The following HSD17B11 variants were observed in gnomAD, a reference collection of about 807,000 sequenced individuals.
HSD17B11 encodes the protein estradiol 17-beta-dehydrogenase 11.
A neutral mutation model predicts 27.8 loss-of-function variants in HSD17B11; 22 were observed. The observed-to-expected ratio is 0.79, with a 90% confidence interval of 0.56 to 1.13. The LOEUF is 1.13. Ranked by LOEUF, HSD17B11 falls within the 50% of genes most tolerant of loss-of-function variation. The probability of loss-of-function intolerance (pLI) is 0.00; values close to 1 mark genes in which losing one functional copy is unlikely to be tolerated. For synonymous variants in HSD17B11, 117 were observed against 132.8 expected (o/e 0.88, Z 0.82); for missense variants, 314 against 351.1 (o/e 0.89, Z 0.84).
chr4:87,378,881 AATATATAT>A, intron 2 of HSD17B11, among the ~76,000 whole-genome samples: 1 of 15,292 alleles, frequency 6.5e-5, no homozygotes, highest in African/African-American at 3.8e-4. Context: ...TATATATATA[AATATATAT>A]ATATAAATAT....
chr4:87,338,795 T>C (rs888194788), intron 6 of HSD17B11, among the ~76,000 whole-genome samples: 1 of 152,126 alleles, frequency 6.6e-6, no homozygotes, highest in Non-Finnish European at 1.5e-5. Flanking sequence ...CCTCAGCCTC[T>C]CAAAGTGCTG....
At chr4:87,361,926 C>G (rs995294964) in intron 4 of HSD17B11, among the ~76,000 whole-genome samples, 4 of 152,156 alleles carry the variant, frequency 2.6e-5, no homozygotes, top group Non-Finnish European at 4.4e-5. Context: ...AACCCTGACC[C>G]TATGGCTACC....
chr4:87,367,623 G>A (rs555538032), intron 4 of HSD17B11, among the ~76,000 whole-genome samples: 1 of 152,272 alleles, frequency 6.6e-6, no homozygotes, highest in African/African-American at 2.4e-5. Context: ...TGGGAAACTG[G>A]AGAGAGAATA....
intron 3 of HSD17B11, 94 bp downstream of exon 3, chr4:87,374,605 C>T: frequency 2.4e-6 from 3 of 1,243,022 alleles, no homozygotes; most frequent in South Asian, 2.8e-5. Flanking sequence ...AAAACTTTAG[C>T]ATTGATTTAA....
intron 2 of HSD17B11, 53 bp from the exon 3 acceptor site, chr4:87,374,883 T>C: frequency 4.4e-6 from 6 of 1,372,300 alleles, no homozygotes; most frequent in Non-Finnish European, 6.0e-6. Flanking sequence ...TGAGGGTAAG[T>C]TTATACACAA....
At chr4:87,380,555 T>A (rs574459867) in intron 2 of HSD17B11, among the ~76,000 whole-genome samples, 2 of 150,148 alleles carry the variant, frequency 1.3e-5, no homozygotes, top group South Asian at 2.1e-4. Flanking sequence ...TCAAAATAGC[T>A]ACTTCAAAAT....
At chr4:87,362,324 G>A (rs763976520) in intron 4 of HSD17B11, among the ~76,000 whole-genome samples, 2 of 152,166 alleles carry the variant, frequency 1.3e-5, no homozygotes, top group Non-Finnish European at 2.9e-5. Context: ...TCAGGAGTTC[G>A]AGACCAGCTT....
At chr4:87,344,890 T>C (rs185038468) in intron 5 of HSD17B11, among the ~76,000 whole-genome samples, 62 of 152,254 alleles carry the variant, frequency 4.1e-4, no homozygotes, top group Non-Finnish European at 7.5e-4. Context: ...TACCCCTAAA[T>C]AAGCAATGAG....
At position 87,391,183 on chromosome 4, in the gene HSD17B11, G is replaced by C. The variant is rs1720453266; in HGVS notation, c.-113C>G. The C allele has an allele frequency of 1.3e-6, 1 of 747,144 alleles. No individual in the cohort carries two copies. 46.3% of individuals were successfully genotyped at this position (747,144 alleles called of 1,614,324 possible). ...GAAAGAGTAGGGGCGAGAGCAAGGA[G>C]GAACTCCCGTATCAAAGAAAAACAA... On this transcript the variant is annotated 5_prime_UTR_variant, in exon 1 of 7. Coordinates refer to ENST00000358290, the MANE Select transcript of HSD17B11 (RefSeq NM_016245.5).
chr4:87,382,264 A>G lies in HSD17B11; in HGVS notation c.309T>C (p.Ser103=). The change falls in exon 2 of 7, where the codon TCT becomes TCC. Residue 103 remains serine, a synonymous_variant. Transcript: ENST00000358290. The stretch of plus-strand genomic sequence containing the variant: ...AAACACAACATTTCACCTTCTTTGC[A>G]GAGCTGTAAATATCTTCTCGGTTGC... ...DCSNREDIYS[S]AKKVKAEIGD... The G allele has an allele frequency of 6.2e-7, 1 of 1,611,668 alleles. No homozygotes were observed. Among genetic ancestry groups the G allele is most frequent in the African/African-American group, 1.3e-5 (1 of 74,994 alleles).
rs33982875 is a variant in HSD17B11 at position 87,381,760 on chromosome 4, C to CAAA, written c.318+492_318+494dup. ...GGTAACAGAGTGAGACCCCCCATCT[C>CAAA]AAAAAAAAAAAAAAAAGAGAAAAGA... On this transcript the variant is annotated intron_variant, in intron 2 of 6. Coordinates refer to ENST00000358290, the MANE Select transcript of HSD17B11 (RefSeq NM_016245.5). Among the ~76,000 whole-genome samples, 392 of 132,742 alleles carry CAAA rather than the reference C, an allele frequency of 3.0e-3. 3 individuals carry two copies. Among genetic ancestry groups the CAAA allele is most frequent in the African/African-American group, 0.01 (362 of 35,332 alleles). The allele number at this position is 132,742 out of a possible 152,430, so 87.1% of individuals were successfully genotyped here.
At chr4:87,358,179 T>C (rs1170291146) in intron 4 of HSD17B11, among the ~76,000 whole-genome samples, 1 of 152,046 alleles carries the variant, frequency 6.6e-6, no homozygotes, top group Non-Finnish European at 1.5e-5. Flanking sequence ...GCCAGGATGG[T>C]CTCGATTTCC....
At chr4:87,383,205 G>A (rs1360625895) in intron 1 of HSD17B11, among the ~76,000 whole-genome samples, 1 of 152,190 alleles carries the variant, frequency 6.6e-6, no homozygotes, top group African/African-American at 2.4e-5. Context: ...GGATCATAAA[G>A]GTCAAGGCCA....
At chr4:87,361,562 T>C (rs954779162) in intron 4 of HSD17B11, among the ~76,000 whole-genome samples, 1 of 152,030 alleles carries the variant, frequency 6.6e-6, no homozygotes, top group South Asian at 2.1e-4. Flanking sequence ...GGTCAGGAGA[T>C]CGAGACCATC....
intron 1 of HSD17B11, among the ~76,000 whole-genome samples, chr4:87,388,216 CTAAG>C (rs1720370076): frequency 6.7e-6 from 1 of 149,948 alleles, no homozygotes; most frequent in South Asian, 2.1e-4. Context: ...CCCAACATAT[CTAAG>C]TAATTATCAT....
intron 4 of HSD17B11, among the ~76,000 whole-genome samples, chr4:87,366,856 A>T (rs1238939080): frequency 6.6e-6 from 1 of 152,214 alleles, no homozygotes; most frequent in Non-Finnish European, 1.5e-5. Context: ...TCTCATAAAA[A>T]GCTGGAATGT....
chr4:87,389,861 T>TA (rs2110136803), intron 1 of HSD17B11, among the ~76,000 whole-genome samples: 2 of 152,288 alleles, frequency 1.3e-5, no homozygotes, highest in East Asian at 3.9e-4. Context: ...TTGTCCTAGG[T>TA]AAAAAATTAC....
chr4:87,365,059 C>T (rs570737117), intron 4 of HSD17B11, among the ~76,000 whole-genome samples: 1 of 152,262 alleles, frequency 6.6e-6, no homozygotes, highest in South Asian at 2.1e-4. Flanking sequence ...ATCCCAGCTA[C>T]GCGGGAGGCT....
chr4:87,369,351 T>C (rs1411255219), intron 4 of HSD17B11, among the ~76,000 whole-genome samples: 1 of 152,180 alleles, frequency 6.6e-6, no homozygotes, highest in African/African-American at 2.4e-5. Context: ...AAATTCCTTC[T>C]TATTAGAAAT....
Sources: allele counts gnomAD v4.1 joint callset (sites outside exome capture counted in the v4.1 genomes callset), GRCh38; gene constraint gnomAD v4.1.1; transcripts MANE v1.5; gene names NCBI Gene and HGNC (gene_info 2026-07-23, HGNC 2026-07-21).